Variants in FERMT2 observed in about 807,000 individuals in gnomAD.
FERMT2 encodes the protein FERM domain containing kindlin 2, also known as fermitin family homolog 2.
In FERMT2, 15 loss-of-function variants were observed where a neutral mutation model predicts 82.7. The observed-to-expected ratio is 0.18, with a 90% CI of 0.12 to 0.28. The LOEUF is 0.28. Ranked by LOEUF, FERMT2 falls within the 10% of genes least tolerant of loss-of-function variation. FERMT2 has a pLI of 1.00. For missense variants in FERMT2, 645 were observed against 809.4 expected (o/e 0.80, Z 2.46); for synonymous variants, 274 against 271.5 (o/e 1.01, Z -0.09).
intron 4 of FERMT2, among the ~76,000 whole-genome samples, chr14:52,887,049 T>C (rs754433360): frequency 4.6e-5 from 7 of 152,146 alleles, no homozygotes; most frequent in South Asian, 2.1e-4. Flanking sequence ...CCTGTAATAT[T>C]TGAATATTTA....
chr14:52,866,294 A>C (rs1465723675), intron 10 of FERMT2, among the ~76,000 whole-genome samples: 3 of 152,164 alleles, frequency 2.0e-5, no homozygotes, highest in Non-Finnish European at 4.4e-5. Flanking sequence ...ATTAGTGTAC[A>C]TCTGAAAGAT....
intron 2 of FERMT2, among the ~76,000 whole-genome samples, chr14:52,943,077 G>A (rs938748831): frequency 1.3e-5 from 2 of 150,626 alleles, no homozygotes; most frequent in African/African-American, 2.5e-5. Context: ...GCGTGGTGGC[G>A]GGTGCCTGTA....
rs34676786 is a variant in FERMT2, at chr14:52,877,574, C to CTTTTTTTT, written c.963+1000_963+1007dup. Among the ~76,000 whole-genome samples the CTTTTTTTT allele has an allele frequency of 3.8e-3, 258 of 67,058 alleles. 33 individuals carry two copies. Among genetic ancestry groups the CTTTTTTTT allele is most frequent in the South Asian group, 5.7e-3 (7 of 1,238 alleles). 44.0% of individuals were successfully genotyped at this position (67,058 alleles called of 152,430 possible). A position where few individuals can be genotyped will look rare whatever the true frequency, so the allele number is the denominator to read the frequency against. ...CTAAGGTGAAAATTAGCTGTTCTTG[C>CTTTTTTTT]TTTTTTTTTTTTTTTTTTTTTTTTG... On this transcript the variant is annotated intron_variant, in intron 7 of 14. Transcript: ENST00000341590.
chr14:52,908,778 T>G (rs932984966), intron 3 of FERMT2, among the ~76,000 whole-genome samples: 1 of 152,200 alleles, frequency 6.6e-6, no homozygotes, highest in Non-Finnish European at 1.5e-5. Context: ...TTAACAAAGC[T>G]GATCAAAAGG....
intron 3 of FERMT2, among the ~76,000 whole-genome samples, chr14:52,904,254 C>T (rs938086737): frequency 6.6e-5 from 10 of 152,126 alleles, no homozygotes; most frequent in South Asian, 4.1e-4. Flanking sequence ...CAGTGGCTCA[C>T]GCCTGTAATC....
chr14:52,914,648 G>A (rs1171523845), intron 3 of FERMT2, among the ~76,000 whole-genome samples: 1 of 152,172 alleles, frequency 6.6e-6, no homozygotes, highest in African/African-American at 2.4e-5. Context: ...GGCCGGGCAT[G>A]GTGGCTCATG....
At chr14:52,922,901 G>A (rs1276110311) in intron 2 of FERMT2, among the ~76,000 whole-genome samples, 7 of 152,104 alleles carry the variant, frequency 4.6e-5, no homozygotes, top group African/African-American at 1.7e-4. Context: ...TGCGATGTTT[G>A]GCAAGTTCAC....
At chr14:52,867,587 T>C (rs1594930093) in intron 10 of FERMT2, among the ~76,000 whole-genome samples, 1 of 152,098 alleles carries the variant, frequency 6.6e-6, no homozygotes, top group South Asian at 2.1e-4. Context: ...CAGACAACCA[T>C]TGCAATGGCT....
At chr14:52,899,416 G>T (rs1887489350) in intron 3 of FERMT2, among the ~76,000 whole-genome samples, 1 of 152,170 alleles carries the variant, frequency 6.6e-6, no homozygotes, top group African/African-American at 2.4e-5. Flanking sequence ...CGGAGTAGCT[G>T]GGATTGCGGG....
Position 52,859,584 on chromosome 14 carries a change from C to T in FERMT2, c.1858G>A (p.Glu620Lys). 6.2e-7 allele frequency: 1 copy of T among 1,606,404 alleles called. No individual in the cohort carries two copies. Among genetic ancestry groups the T allele is most frequent in the Non-Finnish European group, 8.5e-7 (1 of 1,176,138 alleles). ...SNMKQWNVNW[E>K]IKMVTVEFAD... ...TGTTATGAGTTTACCATTTTGATTTCCCAGTTGACATTCCACTGTTTCATG... is the reference window on the plus strand; with the variant it reads ...TGTTATGAGTTTACCATTTTGATTTTCCAGTTGACATTCCACTGTTTCATG... Residue 620 changes from glutamate to lysine, a missense_variant, in exon 14 of 15, where the codon GAA (glutamate) becomes AAA (lysine). Coordinates refer to ENST00000341590, the MANE Select transcript of FERMT2 (RefSeq NM_006832.3).
intron 2 of FERMT2, 96 bp from the exon 3 acceptor site, chr14:52,919,452 CAAT>C: frequency 1.7e-6 from 1 of 582,502 alleles, no homozygotes; most frequent in Non-Finnish European, 2.7e-6. Context: ...TATTTAACAG[CAAT>C]AATTAACTAC....
intron 8 of FERMT2, 134 bp from the exon 9 acceptor site, chr14:52,874,360 C>A: frequency 1.9e-6 from 1 of 522,358 alleles, no homozygotes; most frequent in Non-Finnish European, 3.3e-6. Context: ...ATTTAAACAA[C>A]AAAATCACAT....
At chr14:52,890,002 G>A (rs1180057206) in intron 4 of FERMT2, among the ~76,000 whole-genome samples, 1 of 151,400 alleles carries the variant, frequency 6.6e-6, no homozygotes, top group African/African-American at 2.4e-5. Context: ...GGTGGTGTGC[G>A]CCTATAGTCT....
chr14:52,862,562 G>A (rs1885012263), intron 12 of FERMT2: 2 of 152,734 alleles, frequency 1.3e-5, no homozygotes, highest in Non-Finnish European at 2.9e-5. Context: ...TAGTTACTAG[G>A]GAGGCTGAGG....
chr14:52,920,038 A>T (rs1326913035), intron 2 of FERMT2, among the ~76,000 whole-genome samples: 1 of 152,232 alleles, frequency 6.6e-6, no homozygotes, highest in African/African-American at 2.4e-5. Context: ...ATAACAGGAA[A>T]CATTAATATC....
At chr14:52,922,989 C>T (rs1889047278) in intron 2 of FERMT2, among the ~76,000 whole-genome samples, 1 of 152,170 alleles carries the variant, frequency 6.6e-6, no homozygotes, top group South Asian at 2.1e-4. Flanking sequence ...TATGGTATGG[C>T]CTCTTGATTC....
chr14:52,950,812 C>G, intron 1 of FERMT2, 109 bp downstream of exon 1: 1 of 383,028 alleles, frequency 2.6e-6, no homozygotes, highest in Non-Finnish European at 4.6e-6. Flanking sequence ...GCCTAGCGGA[C>G]CGCGGAGGGC....
chr14:52,906,946 TG>T (rs35563714), intron 3 of FERMT2, among the ~76,000 whole-genome samples: 23,308 of 45,990 alleles, frequency 0.51, 3,876 homozygotes, highest in Non-Finnish European at 0.58. Context: ...CATCAATTAT[TG>T]GGGGGGGGGG....
At chr14:52,867,580 A>T (rs1885363648) in intron 10 of FERMT2, among the ~76,000 whole-genome samples, 1 of 152,016 alleles carries the variant, frequency 6.6e-6, no homozygotes, top group African/African-American at 2.4e-5. Context: ...CACATTACAG[A>T]CAACCATTGC....
Sources: allele counts gnomAD v4.1 joint callset (sites outside exome capture counted in the v4.1 genomes callset), GRCh38; gene constraint gnomAD v4.1.1; transcripts MANE v1.5; gene names NCBI Gene and HGNC (gene_info 2026-07-23, HGNC 2026-07-21).